AMOT: variants seen among roughly 807,000 people sequenced by gnomAD.
AMOT encodes the protein angiomotin.
In AMOT, 11 loss-of-function variants were observed where a neutral mutation model predicts 67.0. The ratio of observed to expected loss-of-function variants is 0.16; its 90% confidence interval spans 0.10 to 0.27. The LOEUF is 0.27. Among genes scored for constraint, AMOT ranks in the 10% least tolerant of loss-of-function variants. The probability of loss-of-function intolerance (pLI) is 1.00; values close to 1 mark genes in which losing one functional copy is unlikely to be tolerated. For missense variants in AMOT, 753 were observed against 852.0 expected, an observed-to-expected ratio of 0.88 and a Z score of 1.45; for synonymous variants, 326 against 321.4, an observed-to-expected ratio of 1.01 and a Z score of -0.15.
intron 1 of AMOT, among the ~76,000 whole-genome samples, chrX:112,833,485 G>C (rs911227095): frequency 9.7e-6 from 1 of 102,813 alleles, no homozygotes; most frequent in Non-Finnish European, 2.0e-5. Context: ...TAAAGGGGGG[G>C]GGGGGGTCAT....
chrX:112,777,547 G>C lies in AMOT; in HGVS notation c.*1020C>G, dbSNP rs1932970246. The C allele has an allele frequency of 9.1e-6, 1 of 110,219 alleles. No homozygotes were observed. The highest frequency in any genetic ancestry group is 3.2e-5 in the African/African-American group (1 of 30,784). The allele number at this position is 110,219 out of a possible 1,213,427, so 9.1% of individuals were successfully genotyped here. A position where few individuals can be genotyped will look rare whatever the true frequency, so the allele number is the denominator to read the frequency against. On this transcript the variant is annotated 3_prime_UTR_variant, in exon 14 of 14. Transcript: ENST00000371959. ...GACAAACAAAACAAGTTATTTCAAA[G>C]TAGTCACCAGAAATTCAAAGCATTC...
At chrX:112,804,127 C>T (rs2147800854) in intron 8 of AMOT, among the ~76,000 whole-genome samples, 1 of 111,542 alleles carries the variant, frequency 9.0e-6, no homozygotes, top group African/African-American at 3.3e-5. Flanking sequence ...TATGTCAAGC[C>T]TAATCAGATA....
In AMOT at chrX:112,791,681, C is replaced by G. The variant is rs141186864; in HGVS notation, c.1926+151G>C. Reference sequence around the variant, plus strand: ...ACTTTGTATTCACAATTGGGAGGCACTCTGGAGTAAGATTAGGTGGGAGAA... The same window carrying G: ...ACTTTGTATTCACAATTGGGAGGCAGTCTGGAGTAAGATTAGGTGGGAGAA... On this transcript the variant is annotated intron_variant, in intron 9 of 13. Transcript: ENST00000371959. 2,009 of 707,907 alleles carry G rather than the reference C, an allele frequency of 2.8e-3. 34 individuals carry two copies. The African/African-American group carries it at 0.038, about 13-fold the overall frequency. 58.3% of individuals were successfully genotyped at this position (707,907 alleles called of 1,213,427 possible).
chrX:112,835,913 T>C (rs1024710075), intron 1 of AMOT, among the ~76,000 whole-genome samples: 2 of 111,434 alleles, frequency 1.8e-5, no homozygotes, highest in Non-Finnish European at 3.8e-5. Context: ...ATCACATGTA[T>C]ACCACACCTT....
intron 8 of AMOT, among the ~76,000 whole-genome samples, chrX:112,794,679 T>G (rs188207053): frequency 8.9e-6 from 1 of 112,521 alleles, no homozygotes; most frequent in Admixed American, 9.4e-5. Context: ...ACTACTATCT[T>G]GAACATTATG....
At chrX:112,783,782 T>C (rs1242643753) in intron 10 of AMOT, among the ~76,000 whole-genome samples, 2 of 109,999 alleles carry the variant, frequency 1.8e-5, no homozygotes, top group Non-Finnish European at 3.8e-5. Context: ...ATATTGGTCT[T>C]CAAGGAAATC....
At chrX:112,835,097 T>C (rs1000229454) in intron 1 of AMOT, among the ~76,000 whole-genome samples, 1 of 112,122 alleles carries the variant, frequency 8.9e-6, no homozygotes, top group African/African-American at 3.2e-5. Context: ...TCTGCCATCA[T>C]GCAAACACCT....
At chrX:112,832,897 T>C (rs145820049) in intron 1 of AMOT, among the ~76,000 whole-genome samples, 1,914 of 111,229 alleles carry the variant, frequency 0.017, 44 homozygotes, top group African/African-American at 0.06. Flanking sequence ...CATATCTTCA[T>C]ACCAAAGGGC....
rs12689074 is a variant in AMOT, at chrX:112,778,238, G to T, written c.*329C>A. Reference sequence around the variant, plus strand: ...GTGCTCTTCAATAAAAAATGATCTAGAATATGGAAAATTTAAACAAATTTA... The same window carrying T: ...GTGCTCTTCAATAAAAAATGATCTATAATATGGAAAATTTAAACAAATTTA... On this transcript the variant is annotated 3_prime_UTR_variant, in exon 14 of 14. Coordinates refer to ENST00000371959, the MANE Select transcript of AMOT (RefSeq NM_001113490.2). 2 of 149,057 alleles carry T rather than the reference G, an allele frequency of 1.3e-5. No homozygotes were observed. Among genetic ancestry groups the T allele is most frequent in the East Asian group, 3.0e-4 (2 of 6,571 alleles). 12.3% of individuals were successfully genotyped at this position (149,057 alleles called of 1,213,427 possible).
chrX:112,833,090 C>G (rs767344938), intron 1 of AMOT, among the ~76,000 whole-genome samples: 6 of 111,687 alleles, frequency 5.4e-5, no homozygotes, highest in Non-Finnish European at 7.5e-5. Flanking sequence ...CTTATTTGCA[C>G]AAACTACTGC....
intron 8 of AMOT, among the ~76,000 whole-genome samples, chrX:112,797,860 A>C (rs1451939756): frequency 9.1e-6 from 1 of 110,291 alleles, no homozygotes; most frequent in Non-Finnish European, 1.9e-5. Context: ...GAAGAGAAAA[A>C]AAGAAAAGAA....
rs776589824 is a variant in AMOT at position 112,811,281 on chromosome X, C to T, written c.1505G>A (p.Arg502Gln). The change falls in exon 6 of 14, where the codon CGG becomes CAG. Residue 502 changes from arginine (R) to glutamine (Q), a missense_variant. Transcript: ENST00000371959. ...ATCCCTGTTGAAATCATGCATCCTC[C>T]GAATCTCGCCCTCTAGCTTGTTTCT... ...AMRNKLEGEI[R>Q]RMHDFNRDLR... The T allele has an allele frequency of 7.4e-6, 9 of 1,210,901 alleles. No individual in the cohort carries two copies. Among genetic ancestry groups the T allele is most frequent in the South Asian group, 5.3e-5 (3 of 56,800 alleles).
At chrX:112,804,291 A>AT (rs1431241173) in intron 8 of AMOT, among the ~76,000 whole-genome samples, 1 of 110,787 alleles carries the variant, frequency 9.0e-6, no homozygotes, top group Admixed American at 9.6e-5. Context: ...TGGCCAGAGC[A>AT]TTTTTTCTGA....
At chrX:112,825,473 C>T (rs1181184254) in intron 2 of AMOT, among the ~76,000 whole-genome samples, 1 of 111,620 alleles carries the variant, frequency 9.0e-6, no homozygotes, top group African/African-American at 3.3e-5. Context: ...TTGCTCTGTT[C>T]TGACCTCACA....
chrX:112,832,857 C>T (rs775045801), intron 1 of AMOT, among the ~76,000 whole-genome samples: 29 of 111,218 alleles, frequency 2.6e-4, no homozygotes, highest in African/African-American at 9.5e-4. Context: ...GTGTGGCATC[C>T]AGCAGGTGTA....
Position 112,804,934 on chromosome X carries a change from G to A in AMOT, c.1776+13C>T. 2 of 1,042,988 alleles carry A rather than the reference G, an allele frequency of 1.9e-6. No individual in the cohort carries two copies. Among genetic ancestry groups the A allele is most frequent in the Non-Finnish European group, 1.3e-6 (1 of 783,604 alleles). 86.0% of individuals were successfully genotyped at this position (1,042,988 alleles called of 1,213,427 possible). ...CCACCCCCAGGCTCATATGCTACCT[G>A]AGGAAACCATACCTCTTCTTCCAGC... On this transcript the variant is annotated intron_variant, in intron 8 of 13. Coordinates refer to ENST00000371959, the MANE Select transcript of AMOT (RefSeq NM_001113490.2).
intron 10 of AMOT, among the ~76,000 whole-genome samples, chrX:112,789,208 T>C (rs1246261810): frequency 1.8e-5 from 2 of 112,171 alleles, no homozygotes; most frequent in Non-Finnish European, 3.8e-5. Flanking sequence ...GGGTTTCTTA[T>C]ATAACCTCTG....
Position 112,815,554 on chromosome X carries a change from G to GGCT in AMOT, c.1193_1195dup (p.Gln398dup). The GGCT allele has an allele frequency of 2.5e-6, 3 of 1,210,888 alleles. No individual in the cohort carries two copies. The highest frequency in any genetic ancestry group is 1.1e-6 in the Non-Finnish European group (1 of 894,955). ...ATAGGCTTCTCCTGGCTGCTGCTGT[G>GGCT]GCTGCTGCTGCTGCTGTTGTTGGTG... On this transcript the variant is annotated inframe_insertion, in exon 5 of 14. Transcript: ENST00000371959.
chrX:112,822,108 C>T, intron 4 of AMOT, 147 bp downstream of exon 4: 2 of 723,960 alleles, frequency 2.8e-6, no homozygotes, highest in Non-Finnish European at 1.9e-6. Context: ...TTCGGGTTGG[C>T]AGGCAATTCA....
Sources: allele counts gnomAD v4.1 joint callset (sites outside exome capture counted in the v4.1 genomes callset), GRCh38; gene constraint gnomAD v4.1.1; transcripts MANE v1.5; gene names NCBI Gene and HGNC (gene_info 2026-07-23, HGNC 2026-07-21).